Variants in FAM220A observed in about 807,000 individuals in gnomAD.
FAM220A encodes family with sequence similarity 220 member A.
For synonymous variants in FAM220A, 141 were observed against 130.7 expected, an observed-to-expected ratio of 1.08 and a Z score of -0.54; for missense variants, 392 against 321.6, an observed-to-expected ratio of 1.22 and a Z score of -1.68.
At chr7:6,336,502 G>A (rs910853707) in intron 1 of FAM220A, among the ~76,000 whole-genome samples, 1 of 151,950 alleles carries the variant, frequency 6.6e-6, no homozygotes, top group Admixed American at 6.6e-5. Context: ...CCAACACAGG[G>A]AAACCCTATC....
chr7:6,331,453 A>G (rs1781633744), intron 1 of FAM220A, among the ~76,000 whole-genome samples: 1 of 152,128 alleles, frequency 6.6e-6, no homozygotes, highest in African/African-American at 2.4e-5. Context: ...GTGAGCCACC[A>G]TGCCCAGCCG....
intron 1 of FAM220A, among the ~76,000 whole-genome samples, chr7:6,335,228 ATTTTT>A (rs147049665): frequency 0.27 from 38,936 of 145,810 alleles, 5,161 homozygotes; most frequent in East Asian, 0.4. Flanking sequence ...ATGCCCAGCT[ATTTTT>A]TTTTTTTAAA....
intron 1 of FAM220A, among the ~76,000 whole-genome samples, chr7:6,344,920 T>C (rs1781928511): frequency 6.6e-6 from 1 of 151,624 alleles, no homozygotes; most frequent in Non-Finnish European, 1.5e-5. Context: ...TTTTGTATTT[T>C]AGTAGAGATG....
chr7:6,339,546 C>A (rs1447925051), intron 1 of FAM220A, among the ~76,000 whole-genome samples: 1 of 149,274 alleles, frequency 6.7e-6, no homozygotes, highest in Non-Finnish European at 1.5e-5. Flanking sequence ...TGCAGTGGAG[C>A]AATCTCAGCT....
chr7:6,329,421 CAT>C lies in FAM220A; in HGVS notation c.*952_*953del, dbSNP rs1411525916. The C allele has an allele frequency of 1.3e-5, 2 of 152,396 alleles. No homozygotes were observed. Among genetic ancestry groups the C allele is most frequent in the South Asian group, 2.1e-4 (1 of 4,828 alleles). 9.4% of individuals were successfully genotyped at this position (152,396 alleles called of 1,614,324 possible). A position where few individuals can be genotyped will look rare whatever the true frequency, so the allele number is the denominator to read the frequency against. On this transcript the variant is annotated 3_prime_UTR_variant, in exon 2 of 2. Transcript: ENST00000313324. ...CCAAGACCACACATATAAAATAAGACATATTTATTAAGCTAAAGAACAAATTT... is the reference window on the plus strand; with the variant it reads ...CCAAGACCACACATATAAAATAAGACATTTATTAAGCTAAAGAACAAATTT...
chr7:6,345,633 T>G (rs562741218), intron 1 of FAM220A, among the ~76,000 whole-genome samples: 5 of 152,304 alleles, frequency 3.3e-5, no homozygotes, highest in Admixed American at 6.5e-5. Context: ...TAGCCATTCT[T>G]GTGATTTTTA....
At chr7:6,347,491 G>A (rs1049338837) in intron 1 of FAM220A, among the ~76,000 whole-genome samples, 1 of 151,534 alleles carries the variant, frequency 6.6e-6, no homozygotes, top group Non-Finnish European at 1.5e-5. Context: ...ACTCCAGCTT[G>A]GGCAAGAGTA....
chr7:6,340,670 C>T (rs1035789588), intron 1 of FAM220A, among the ~76,000 whole-genome samples: 4 of 151,656 alleles, frequency 2.6e-5, no homozygotes, highest in East Asian at 3.9e-4. Context: ...GAGGCCGAGG[C>T]GGGCGGATCA....
intron 1 of FAM220A, among the ~76,000 whole-genome samples, chr7:6,344,166 G>C (rs566928899): frequency 5.3e-5 from 8 of 150,666 alleles, no homozygotes; most frequent in Non-Finnish European, 1.2e-4. Context: ...AAAAAAAGGC[G>C]TGGGGCTGTC....
At chr7:6,344,404 C>A (rs753793521) in intron 1 of FAM220A, among the ~76,000 whole-genome samples, 14 of 152,230 alleles carry the variant, frequency 9.2e-5, no homozygotes, top group Admixed American at 6.5e-4. Flanking sequence ...CTTGGTCAAG[C>A]CCAAGCCTAC....
At position 6,339,042 on chromosome 7, in the gene FAM220A, C is replaced by G. The variant is rs191239291; in HGVS notation, c.-81-7807G>C. Among the ~76,000 whole-genome samples the G allele has an allele frequency of 3.3e-5, 5 of 152,226 alleles. No individual in the cohort carries two copies. The East Asian group carries it at 9.7e-4, about 29-fold the overall frequency. The stretch of plus-strand genomic sequence containing the variant: ...AGACTGGAGGTAGCAGAAACAAACC[C>G]CCGGATTTCCACACAGCCTAGAGGA... On this transcript the variant is annotated intron_variant, in intron 1 of 1. Coordinates refer to ENST00000313324, the MANE Select transcript of FAM220A (RefSeq NM_001037163.2).
At chr7:6,347,980 G>A (rs1282810515) in intron 1 of FAM220A, among the ~76,000 whole-genome samples, 1 of 150,724 alleles carries the variant, frequency 6.6e-6, no homozygotes, top group Non-Finnish European at 1.5e-5. Context: ...GAGCGATCTC[G>A]GCTCACCGCA....
chr7:6,330,008 G>A lies in FAM220A; in HGVS notation c.*367C>T, dbSNP rs759723486. The A allele has an allele frequency of 3.4e-5, 8 of 237,402 alleles. No individual in the cohort carries two copies. Among genetic ancestry groups the A allele is most frequent in the Non-Finnish European group, 7.0e-5 (8 of 113,722 alleles). The allele number at this position is 237,402 out of a possible 1,614,324, so 14.7% of individuals were successfully genotyped here. Reference sequence around the variant, plus strand: ...ACTTTACAAGTATCCACTTCCATTGGGTGATCAGACAAGTCAAAAGGACAC... The same window carrying A: ...ACTTTACAAGTATCCACTTCCATTGAGTGATCAGACAAGTCAAAAGGACAC... On this transcript the variant is annotated 3_prime_UTR_variant, in exon 2 of 2. Transcript: ENST00000313324.
chr7:6,347,071 A>C (rs2115153061), intron 1 of FAM220A, among the ~76,000 whole-genome samples: 1 of 152,318 alleles, frequency 6.6e-6, no homozygotes, highest in Middle Eastern at 3.4e-3. Context: ...TTCTGACTGT[A>C]ATCCTAGTGC....
intron 1 of FAM220A, among the ~76,000 whole-genome samples, chr7:6,337,074 T>C (rs1001920849): frequency 7.3e-6 from 1 of 137,092 alleles, no homozygotes; most frequent in African/African-American, 2.8e-5. Flanking sequence ...ATTTTAATTC[T>C]TTTTTTTTTT....
intron 1 of FAM220A, among the ~76,000 whole-genome samples, chr7:6,339,876 G>T (rs1000065705): frequency 1.3e-5 from 2 of 151,018 alleles, no homozygotes; most frequent in African/African-American, 2.4e-5. Context: ...GTGCCAGCTC[G>T]GCGTCAGGCA....
intron 1 of FAM220A, among the ~76,000 whole-genome samples, chr7:6,337,544 C>T (rs926526249): frequency 1.3e-5 from 2 of 151,588 alleles, no homozygotes; most frequent in African/African-American, 4.9e-5. Context: ...AAAGGTGAAA[C>T]ATTTCTAGAA....
intron 1 of FAM220A, among the ~76,000 whole-genome samples, chr7:6,333,837 C>A (rs949423134): frequency 2.1e-5 from 3 of 144,880 alleles, no homozygotes; most frequent in African/African-American, 7.6e-5. Flanking sequence ...GAACTCCTGG[C>A]CTCTTTTTTT....
intron 1 of FAM220A, among the ~76,000 whole-genome samples, chr7:6,342,891 A>G (rs1433576926): frequency 2.0e-5 from 3 of 151,778 alleles, no homozygotes; most frequent in Non-Finnish European, 4.4e-5. Context: ...GAAAAAATCA[A>G]CCAGGCATGG....
Sources: gnomAD v4.1 joint callset for allele counts (sites outside exome capture counted in the v4.1 genomes callset) on GRCh38, gnomAD v4.1.1 for gene constraint, MANE v1.5 for transcripts, NCBI Gene and HGNC (gene_info 2026-07-23, HGNC 2026-07-21) for gene names.